NR5A2: variants seen among roughly 807,000 people sequenced by gnomAD.
NR5A2 encodes the protein nuclear receptor subfamily 5 group A member 2.
In NR5A2, 26 loss-of-function variants were observed where a neutral mutation model predicts 62.7. The observed-to-expected ratio is 0.41, with a 90% CI of 0.30 to 0.58. The LOEUF (loss-of-function observed/expected upper bound fraction) is 0.58. Ranked by LOEUF, NR5A2 falls within the 20% of genes least tolerant of loss-of-function variation. The pLI is 0.22. For synonymous variants in NR5A2, 246 were observed against 241.7 expected (o/e 1.02, Z -0.16); for missense variants, 541 against 669.1 (o/e 0.81, Z 2.11).
At chr1:200,162,466 G>A (rs1653685234) in intron 7 of NR5A2, among the ~76,000 whole-genome samples, 1 of 152,174 alleles carries the variant, frequency 6.6e-6, no homozygotes, top group Non-Finnish European at 1.5e-5. Context: ...CCAGATAAAT[G>A]TGTTTAATCT....
intron 1 of NR5A2, among the ~76,000 whole-genome samples, chr1:200,033,797 C>G (rs1387255263): frequency 6.6e-6 from 1 of 152,178 alleles, no homozygotes; most frequent in African/African-American, 2.4e-5. Flanking sequence ...TAACACTTTC[C>G]CTAGTTCCAC....
At chr1:200,109,237 G>T (rs988824159) in intron 5 of NR5A2, among the ~76,000 whole-genome samples, 2 of 152,140 alleles carry the variant, frequency 1.3e-5, no homozygotes, top group Non-Finnish European at 2.9e-5. Flanking sequence ...GAGATGTGCT[G>T]GGGGATGCCT....
intron 7 of NR5A2, among the ~76,000 whole-genome samples, chr1:200,130,324 A>AAGAAG (rs1558157085): frequency 6.9e-6 from 1 of 145,014 alleles, no homozygotes; most frequent in Non-Finnish European, 1.5e-5. Flanking sequence ...AGAAGAAGAA[A>AAGAAG]AAAAAAATCC....
chr1:200,062,227 T>TTGTGTGTGTGTGTG (rs6143563), intron 5 of NR5A2, among the ~76,000 whole-genome samples: 3,156 of 145,720 alleles, frequency 0.022, 52 homozygotes, highest in Non-Finnish European at 0.027. Flanking sequence ...CTGGCAGATT[T>TTGTGTGTGTGTGTG]TGTGTGTGTG....
chr1:200,064,137 A>G (rs1248388366), intron 5 of NR5A2, among the ~76,000 whole-genome samples: 1 of 150,788 alleles, frequency 6.6e-6, no homozygotes, highest in Non-Finnish European at 1.5e-5. Context: ...CGACAGAGCG[A>G]GACTCCATCT....
At chr1:200,120,110 GTATT>G (rs941142542) in intron 6 of NR5A2, among the ~76,000 whole-genome samples, 1 of 152,040 alleles carries the variant, frequency 6.6e-6, no homozygotes. Context: ...TAATTTATTT[GTATT>G]TATTTTAAAT....
intron 7 of NR5A2, among the ~76,000 whole-genome samples, chr1:200,132,505 C>T (rs1030758328): frequency 4.6e-5 from 7 of 152,168 alleles, no homozygotes; most frequent in Admixed American, 1.3e-4. Context: ...AACTAATGCA[C>T]GTTCCACACA....
At chr1:200,153,034 T>C (rs1407853729) in intron 7 of NR5A2, among the ~76,000 whole-genome samples, 1 of 152,220 alleles carries the variant, frequency 6.6e-6, no homozygotes, top group Non-Finnish European at 1.5e-5. Flanking sequence ...TCCCTGACAA[T>C]TAAAACAGTG....
chr1:200,129,870 T>C (rs1666885626), intron 7 of NR5A2, among the ~76,000 whole-genome samples: 1 of 152,198 alleles, frequency 6.6e-6, no homozygotes, highest in Non-Finnish European at 1.5e-5. Context: ...GCCTACATTT[T>C]GCCTTTGCTA....
chr1:200,028,275 T>C (rs2737621), intron 1 of NR5A2, among the ~76,000 whole-genome samples: 25,181 of 151,990 alleles, frequency 0.17, 2,559 homozygotes, highest in African/African-American at 0.29. Context: ...GTTAATCATA[T>C]TGAGTGATCA....
chr1:200,152,274 CA>C (rs1410320889), intron 7 of NR5A2, among the ~76,000 whole-genome samples: 8 of 152,092 alleles, frequency 5.3e-5, no homozygotes, highest in Non-Finnish European at 5.9e-5. Context: ...ATGGAATTCC[CA>C]ATCTTAACAT....
chr1:200,139,952 C>T (rs563322232), intron 7 of NR5A2, among the ~76,000 whole-genome samples: 131 of 152,244 alleles, frequency 8.6e-4, no homozygotes, highest in African/African-American at 3.1e-3. Flanking sequence ...TTTGTCATCT[C>T]GATTGTAATC....
chr1:200,045,926 A>G (rs1027932336), intron 4 of NR5A2, among the ~76,000 whole-genome samples: 1 of 152,196 alleles, frequency 6.6e-6, no homozygotes, highest in Non-Finnish European at 1.5e-5. Flanking sequence ...TAATTTGTAA[A>G]ACTATTAAAA....
In NR5A2 at chr1:200,106,017, C is replaced by T. The variant is rs1665643657; in HGVS notation, c.1111-5185C>T. On this transcript the variant is annotated intron_variant, in intron 5 of 7. Coordinates refer to ENST00000367362, the MANE Select transcript of NR5A2 (RefSeq NM_205860.3). ...TTTGATAGGCTAAATGTGGGCTTGA[C>T]AAAGATCTACACATTTTTCTTCTAA... 4.0e-5 allele frequency among the ~76,000 whole-genome samples: 6 copies of T among 151,236 alleles called. No homozygotes were observed. The South Asian group carries it at 1.3e-3, about 32-fold the overall frequency.
Position 200,039,472 on chromosome 1 carries a change from G to T in NR5A2, c.65-186G>T, listed in dbSNP as rs748495767. On this transcript the variant is annotated intron_variant, in intron 1 of 7. Transcript: ENST00000367362. The surrounding 1 kb of genome is among the most constrained non-coding windows in gnomAD (Gnocchi z 5.1). The stretch of plus-strand genomic sequence containing the variant: ...CTTCCTCGCCTCCTTTTTTAACCCT[G>T]ACCTCCTCCTCGCAGCTTGGGGGCG... 1.7e-4 allele frequency among the ~76,000 whole-genome samples: 26 copies of T among 152,074 alleles called. No individual in the cohort carries two copies. The highest frequency in any genetic ancestry group is 2.4e-4 in the Non-Finnish European group (16 of 67,992).
chr1:200,172,637 G>A (rs1252876633), intron 7 of NR5A2, among the ~76,000 whole-genome samples: 1 of 152,212 alleles, frequency 6.6e-6, no homozygotes, highest in Non-Finnish European at 1.5e-5. Context: ...TGGCCCAAAT[G>A]TAAACACTGA....
intron 5 of NR5A2, among the ~76,000 whole-genome samples, chr1:200,053,308 T>C (rs1018716837): frequency 2.0e-5 from 3 of 152,104 alleles, no homozygotes; most frequent in African/African-American, 7.2e-5. Flanking sequence ...ATTAATACTC[T>C]GAAACTTGTA....
At chr1:200,145,337 T>C (rs1667645187) in intron 7 of NR5A2, among the ~76,000 whole-genome samples, 1 of 151,942 alleles carries the variant, frequency 6.6e-6, no homozygotes, top group Non-Finnish European at 1.5e-5. Flanking sequence ...AACTACCAAA[T>C]TGGAATTTCC....
At chr1:200,083,552 C>T (rs1403438622) in intron 5 of NR5A2, among the ~76,000 whole-genome samples, 1 of 152,192 alleles carries the variant, frequency 6.6e-6, no homozygotes, top group Non-Finnish European at 1.5e-5. Flanking sequence ...AAAGGCTTCG[C>T]CATGTGTGTA....
Sources: gnomAD v4.1 joint callset for allele counts (sites outside exome capture counted in the v4.1 genomes callset) on GRCh38, gnomAD v4.1.1 for gene constraint, Gnocchi (gnomAD v3.1) non-coding constraint, MANE v1.5 for transcripts, NCBI Gene and HGNC (gene_info 2026-07-23, HGNC 2026-07-21) for gene names.